ZNF782: variants seen among roughly 807,000 people sequenced by gnomAD.
ZNF782 encodes zinc finger protein 782.
A neutral mutation model predicts 13.0 loss-of-function variants in ZNF782; 12 were observed. The ratio of observed to expected loss-of-function variants is 0.92; its 90% CI spans 0.59 to 1.50. The LOEUF is 1.50. Among genes scored for constraint, ZNF782 ranks in the 40% most tolerant of loss-of-function variants. The probability of loss-of-function intolerance (pLI) is 0.00; values close to 1 mark genes in which losing one functional copy is unlikely to be tolerated. For synonymous variants in ZNF782, 284 were observed against 283.0 expected, an observed-to-expected ratio of 1.00 and a Z score of -0.04; for missense variants, 770 against 822.9, an observed-to-expected ratio of 0.94 and a Z score of 0.79.
chr9:96,875,579 TCTC>T (rs747667640), exon 1 of ZNF782: 3 of 456,564 alleles, frequency 6.6e-6, no homozygotes, highest in Non-Finnish European at 8.8e-6. Context: ...ATAAACGGGC[TCTC>T]CTCTGCCGCC....
chr9:96,851,805 A>C, intron 3 of ZNF782, 142 bp downstream of exon 3: 2 of 836,266 alleles, frequency 2.4e-6, no homozygotes, highest in Non-Finnish European at 3.8e-6. Flanking sequence ...GACAAAGCTG[A>C]CAGCAGAGTT....
chr9:96,817,065 G>GTTT lies in ZNF782; in HGVS notation c.*857_*858insAAA, dbSNP rs1850195110. On this transcript the variant is annotated 3_prime_UTR_variant, in exon 6 of 6. Coordinates refer to ENST00000481138, the MANE Select transcript of ZNF782 (RefSeq NM_001001662.3). ...GTGTACAGGGAGGAGAAAACTCCAT[G>GTTT]CCACAGGATCCTTCTCTGACCCGGG... The GTTT allele has an allele frequency of 6.7e-6, 1 of 149,952 alleles. No individual in the cohort carries two copies. The highest frequency in any genetic ancestry group is 2.1e-4 in the South Asian group (1 of 4,706). The allele number at this position is 149,952 out of a possible 1,614,324, so 9.3% of individuals were successfully genotyped here.
At chr9:96,933,231 GCCT>G in the ZNF782 span, among the ~76,000 whole-genome samples, 1 of 151,618 alleles carries the variant, frequency 6.6e-6, no homozygotes, top group Non-Finnish European at 1.5e-5. Context: ...TCCCGCCTCG[GCCT>G]CCCAAAGTGC....
the ZNF782 span, among the ~76,000 whole-genome samples, chr9:96,912,096 G>A: frequency 6.7e-6 from 1 of 149,388 alleles, no homozygotes; most frequent in South Asian, 2.1e-4. Context: ...AGCTACTGGA[G>A]AGGCTGAGGC....
chr9:96,921,874 A>G, the ZNF782 span, among the ~76,000 whole-genome samples: 1 of 150,428 alleles, frequency 6.6e-6, no homozygotes, highest in African/African-American at 2.4e-5. Context: ...TCGTATTTTT[A>G]GTAGAGACGG....
intron 4 of ZNF782, among the ~76,000 whole-genome samples, chr9:96,842,102 T>G (rs1851206201): frequency 6.6e-6 from 1 of 151,968 alleles, no homozygotes; most frequent in Non-Finnish European, 1.5e-5. Flanking sequence ...CATTAACAAT[T>G]ACTCAACCAA....
At chr9:96,886,247 C>T in the ZNF782 span, among the ~76,000 whole-genome samples, 5 of 147,442 alleles carry the variant, frequency 3.4e-5, no homozygotes, top group African/African-American at 1.2e-4. Context: ...CAGAATTCTA[C>T]ATCCAGTGAA....
At chr9:96,857,683 T>G (rs1851661081), upstream of ZNF782, among the ~76,000 whole-genome samples, 1 of 152,226 alleles carries the variant, frequency 6.6e-6, no homozygotes, top group Non-Finnish European at 1.5e-5. Context: ...TGAGAACATT[T>G]AATCTGATGA....
upstream of ZNF782, among the ~76,000 whole-genome samples, chr9:96,856,468 C>T (rs1430003588): frequency 1.3e-5 from 2 of 152,234 alleles, no homozygotes; most frequent in East Asian, 1.9e-4. Flanking sequence ...TCCCTTTCTC[C>T]CGCCCTCCCC....
chr9:96,881,041 T>C, the ZNF782 span, among the ~76,000 whole-genome samples: 1 of 152,154 alleles, frequency 6.6e-6, no homozygotes, highest in Non-Finnish European at 1.5e-5. Context: ...TTTAAGTTAT[T>C]GAATTTTGGA....
chr9:96,830,912 A>C (rs926640593), intron 4 of ZNF782, among the ~76,000 whole-genome samples: 2 of 152,246 alleles, frequency 1.3e-5, no homozygotes, highest in African/African-American at 4.8e-5. Flanking sequence ...TTGAAAAATA[A>C]CTAAATACTC....
At chr9:96,819,927 TC>T in intron 5 of ZNF782, 149 bp from the exon 6 acceptor site, 1 of 630,862 alleles carries the variant, frequency 1.6e-6, no homozygotes, top group Non-Finnish European at 2.3e-6. Context: ...AAGTACATAT[TC>T]CCCATATTCC....
the ZNF782 span, among the ~76,000 whole-genome samples, chr9:96,905,822 G>A: frequency 5.3e-5 from 8 of 152,202 alleles, no homozygotes; most frequent in African/African-American, 1.9e-4. Flanking sequence ...CTGACCTCAT[G>A]ATCCACCCGC....
At chr9:96,872,900 T>C (rs1851843762) in intron 1 of ZNF782, among the ~76,000 whole-genome samples, 1 of 152,158 alleles carries the variant, frequency 6.6e-6, no homozygotes, top group Admixed American at 6.5e-5. Context: ...TTCCCAGGAA[T>C]AGTGTAGAAT....
At position 96,816,878 on chromosome 9, in the gene ZNF782, T is replaced by C. The variant is rs970164565; in HGVS notation, c.*1045A>G. ...AGGATGCTGTCCGAGATTTGTCCTA[T>C]GTGACTTTTCTGACATACACTGAGT... On this transcript the variant is annotated 3_prime_UTR_variant, in exon 6 of 6. Transcript: ENST00000481138. 8 of 152,236 alleles carry C rather than the reference T, an allele frequency of 5.3e-5. No individual in the cohort carries two copies. Among genetic ancestry groups the C allele is most frequent in the Non-Finnish European group, 8.8e-5 (6 of 68,038 alleles). The allele number at this position is 152,236 out of a possible 1,614,324, so 9.4% of individuals were successfully genotyped here. A position where few individuals can be genotyped will look rare whatever the true frequency, so the allele number is the denominator to read the frequency against.
At position 96,854,164 on chromosome 9, in the gene ZNF782, G is replaced by A. The variant is rs963903687; in HGVS notation, c.-338C>T. ...GGGGATTTCGGGCACGTTGTCGCCC[G>A]CGTTACAAATGCGCTTTCCCCACCC... On this transcript the variant is annotated 5_prime_UTR_variant, in exon 1 of 6. Transcript: ENST00000481138. 1.3e-5 allele frequency: 2 copies of A among 152,230 alleles called. No individual in the cohort carries two copies. The highest frequency in any genetic ancestry group is 6.5e-5 in the Admixed American group (1 of 15,280). 9.4% of individuals were successfully genotyped at this position (152,230 alleles called of 1,614,324 possible).
chr9:96,880,279 T>G (rs367783332), upstream of ZNF782, among the ~76,000 whole-genome samples: 1 of 152,148 alleles, frequency 6.6e-6, no homozygotes, highest in East Asian at 1.9e-4. Flanking sequence ...GCTTTTCTTT[T>G]CTTACATTAT....
At chr9:96,847,485 T>G (rs866802845) in intron 3 of ZNF782, among the ~76,000 whole-genome samples, 15 of 152,210 alleles carry the variant, frequency 9.9e-5, no homozygotes, top group African/African-American at 3.6e-4. Context: ...CTGGAAACAT[T>G]ACAACCGACA....
chr9:96,913,443 G>A, the ZNF782 span, among the ~76,000 whole-genome samples: 2 of 151,896 alleles, frequency 1.3e-5, no homozygotes, highest in Non-Finnish European at 2.9e-5. Context: ...GTTGCAAATC[G>A]AATTAAACTG....
Sources: gnomAD v4.1 joint callset for allele counts (sites outside exome capture counted in the v4.1 genomes callset) on GRCh38, gnomAD v4.1.1 for gene constraint, MANE v1.5 for transcripts, NCBI Gene and HGNC (gene_info 2026-07-23, HGNC 2026-07-21) for gene names.